Variants in EYS observed in about 807,000 individuals in gnomAD.
EYS encodes the protein protein eyes shut homolog.
In EYS, 250 loss-of-function variants were observed where a neutral mutation model predicts 282.1. The ratio of observed to expected loss-of-function variants is 0.89; its 90% confidence interval spans 0.80 to 0.98. EYS has a LOEUF of 0.98. Ranked by LOEUF, EYS falls within the 50% of genes least tolerant of loss-of-function variation. The pLI is 0.00. For missense variants in EYS, 4,016 were observed against 3,709.0 expected, an observed-to-expected ratio of 1.08 and a Z score of -2.15; for synonymous variants, 1,355 against 1,282.9, an observed-to-expected ratio of 1.06 and a Z score of -1.20.
intron 22 of EYS, among the ~76,000 whole-genome samples, chr6:64,626,634 A>G (rs1404757465): frequency 6.6e-6 from 1 of 152,180 alleles, no homozygotes; most frequent in Non-Finnish European, 1.5e-5. Context: ...CCCTAAGTCA[A>G]GGAACACCCA....
intron 35 of EYS, among the ~76,000 whole-genome samples, chr6:63,981,182 A>G (rs1767072203): frequency 6.6e-6 from 1 of 151,548 alleles, no homozygotes; most frequent in Non-Finnish European, 1.5e-5. Context: ...CCTTCAGTAC[A>G]TTTTCTGGTT....
intron 2 of EYS, among the ~76,000 whole-genome samples, chr6:65,564,994 C>T (rs1769220373): frequency 3.0e-5 from 1 of 33,700 alleles, no homozygotes; most frequent in Non-Finnish European, 4.6e-5. Context: ...GCCTGTAATC[C>T]CAGCACTTTG....
chr6:64,311,665 A>T (rs1383862822), intron 29 of EYS, among the ~76,000 whole-genome samples: 1 of 152,170 alleles, frequency 6.6e-6, no homozygotes, highest in African/African-American at 2.4e-5. Context: ...GCATTTCCAA[A>T]TGAGGTACCT....
At chr6:65,517,341 CA>C (rs71002314) in intron 2 of EYS, among the ~76,000 whole-genome samples, 3,590 of 145,076 alleles carry the variant, frequency 0.025, 176 homozygotes, top group East Asian at 0.14. Flanking sequence ...AAAACAACAA[CA>C]AAAAAAAAAC....
intron 12 of EYS, among the ~76,000 whole-genome samples, chr6:65,085,657 AC>A (rs1445801146): frequency 6.6e-6 from 1 of 152,144 alleles, no homozygotes; most frequent in East Asian, 1.9e-4. Flanking sequence ...TTGTTTGATG[AC>A]TTTTTTAAAA....
intron 36 of EYS, among the ~76,000 whole-genome samples, chr6:63,828,670 G>A (rs1771539605): frequency 1.3e-5 from 2 of 152,162 alleles, no homozygotes; most frequent in Admixed American, 6.5e-5. Flanking sequence ...GACATGAATA[G>A]GAAGATATAC....
At chr6:64,288,868 A>G (rs1768595930) in intron 30 of EYS, among the ~76,000 whole-genome samples, 1 of 151,884 alleles carries the variant, frequency 6.6e-6, no homozygotes, top group Admixed American at 6.6e-5. Flanking sequence ...ATCTAGCCAT[A>G]TTTCCTTCTA....
At chr6:64,672,362 T>A (rs569816399) in intron 22 of EYS, among the ~76,000 whole-genome samples, 29 of 152,246 alleles carry the variant, frequency 1.9e-4, no homozygotes, top group African/African-American at 6.3e-4. Context: ...GTTCTCTTTT[T>A]TCCCCTGTCA....
chr6:65,637,315 C>A (rs929769788), intron 2 of EYS, among the ~76,000 whole-genome samples: 6 of 152,142 alleles, frequency 3.9e-5, no homozygotes, highest in African/African-American at 1.4e-4. Context: ...GGAAAAAACT[C>A]AAATTTATTA....
chr6:65,183,615 T>C (rs965675583), intron 12 of EYS, among the ~76,000 whole-genome samples: 7 of 151,912 alleles, frequency 4.6e-5, no homozygotes, highest in African/African-American at 7.2e-5. Flanking sequence ...TATGATATAT[T>C]TCTTGTTTAA....
At chr6:65,040,410 T>C (rs535896384) in intron 13 of EYS, among the ~76,000 whole-genome samples, 1 of 151,832 alleles carries the variant, frequency 6.6e-6, no homozygotes, top group South Asian at 2.1e-4. Flanking sequence ...TCTCCCTGTG[T>C]GTCTGTGCCT....
chr6:65,609,336 C>A (rs1286691139), intron 2 of EYS, among the ~76,000 whole-genome samples: 1,508 of 143,042 alleles, frequency 0.011, 10 homozygotes, highest in Non-Finnish European at 0.016. Flanking sequence ...CCAAGATAGC[C>A]AAAAAAAAAA....
At chr6:64,397,123 T>C (rs1447138152) in intron 28 of EYS, among the ~76,000 whole-genome samples, 5 of 152,142 alleles carry the variant, frequency 3.3e-5, no homozygotes. Flanking sequence ...CTTTCTCTCT[T>C]ATGTGTAATG....
At chr6:65,327,951 TA>T (rs1237980632) in intron 11 of EYS, among the ~76,000 whole-genome samples, 3 of 151,506 alleles carry the variant, frequency 2.0e-5, no homozygotes, top group African/African-American at 7.2e-5. Context: ...TGACTTAACA[TA>T]AAAAATTTAT....
At chr6:65,533,973 AT>A (rs368238787) in intron 2 of EYS, among the ~76,000 whole-genome samples, 86 of 146,756 alleles carry the variant, frequency 5.9e-4, no homozygotes, top group African/African-American at 8.7e-4. Flanking sequence ...CATTACCCTA[AT>A]TTTTTTTTTT....
chr6:65,558,025 T>C (rs1346374086), intron 2 of EYS, among the ~76,000 whole-genome samples: 4 of 152,102 alleles, frequency 2.6e-5, no homozygotes, highest in African/African-American at 4.8e-5. Flanking sequence ...AAGTTCTCAC[T>C]CTGGTCACAG....
intron 13 of EYS, among the ~76,000 whole-genome samples, chr6:64,998,635 T>C (rs527713924): frequency 6.6e-6 from 1 of 152,338 alleles, no homozygotes; most frequent in African/African-American, 2.4e-5. Context: ...GACAGGATTT[T>C]ACTTCTGTTT....
At chr6:64,926,504 C>T (rs1239756031) in intron 15 of EYS, among the ~76,000 whole-genome samples, 4 of 152,150 alleles carry the variant, frequency 2.6e-5, no homozygotes, top group East Asian at 3.9e-4. Flanking sequence ...CAAGGATCTC[C>T]GTTATAGCCT....
intron 26 of EYS, among the ~76,000 whole-genome samples, chr6:64,455,488 A>T (rs1775527187): frequency 6.6e-6 from 1 of 152,028 alleles, no homozygotes; most frequent in African/African-American, 2.4e-5. Flanking sequence ...CTGAACATGC[A>T]GGTATGTTAC....
Sources: gnomAD v4.1 joint callset for allele counts (sites outside exome capture counted in the v4.1 genomes callset) on GRCh38, gnomAD v4.1.1 for gene constraint, MANE v1.5 for transcripts, NCBI Gene and HGNC (gene_info 2026-07-23, HGNC 2026-07-21) for gene names.